ATF6: variants seen among roughly 807,000 people sequenced by gnomAD.
The protein encoded by ATF6 is cyclic AMP-dependent transcription factor ATF-6 alpha.
A neutral mutation model predicts 83.6 loss-of-function variants in ATF6; 53 were observed. The observed-to-expected ratio is 0.63, with a 90% CI of 0.51 to 0.80. ATF6 has a LOEUF of 0.80. Among genes scored for constraint, ATF6 ranks in the 30% least tolerant of loss-of-function variants. The pLI is 0.00. For missense variants in ATF6, 744 were observed against 797.9 expected (o/e 0.93, Z 0.81); for synonymous variants, 288 against 285.8 (o/e 1.01, Z -0.08).
Position 161,839,500 on chromosome 1 carries a change from C to T in ATF6, c.1188-6949C>T, listed in dbSNP as rs1686303906. On this transcript the variant is annotated intron_variant, in intron 9 of 15. Coordinates refer to ENST00000367942, the MANE Select transcript of ATF6 (RefSeq NM_007348.4). ...CCTCAGCCTCCTGAGGAGCTGGGAC[C>T]ACAGGCACACTCCACCACACCCAGC... 2.0e-5 allele frequency among the ~76,000 whole-genome samples: 3 copies of T among 151,978 alleles called. No homozygotes were observed. The South Asian group carries it at 6.2e-4, about 32-fold the overall frequency.
intron 3 of ATF6, among the ~76,000 whole-genome samples, chr1:161,783,684 T>A (rs1456296588): frequency 1.3e-5 from 2 of 152,040 alleles, no homozygotes; most frequent in Non-Finnish European, 2.9e-5. Flanking sequence ...AGACAACCAC[T>A]GTTACCAGTT....
rs538888580 is a variant in ATF6, at chr1:161,780,435, G to A, written c.160-1477G>A. 3.3e-5 allele frequency among the ~76,000 whole-genome samples: 5 copies of A among 149,514 alleles called. No homozygotes were observed. In the South Asian group the frequency reaches 8.5e-4, roughly 25 times the overall value. On this transcript the variant is annotated intron_variant, in intron 2 of 15. Coordinates refer to ENST00000367942, the MANE Select transcript of ATF6 (RefSeq NM_007348.4). ...GTCGCCCAGGCTGGAGTGCAGTGGC[G>A]CAATCTCGGCTCACTGTAAGCTCCA...
At chr1:161,857,938 A>G (rs1686799442) in intron 12 of ATF6, among the ~76,000 whole-genome samples, 1 of 152,132 alleles carries the variant, frequency 6.6e-6, no homozygotes, top group Non-Finnish European at 1.5e-5. Flanking sequence ...CTAAAAGCTA[A>G]CATAAAGAAG....
chr1:161,923,861 A>C (rs1246054428), intron 15 of ATF6, among the ~76,000 whole-genome samples: 1 of 152,040 alleles, frequency 6.6e-6, no homozygotes, highest in African/African-American at 2.4e-5. Flanking sequence ...GATCACATTC[A>C]CTCTTTCTGC....
chr1:161,854,733 G>A (rs956037619), intron 12 of ATF6, among the ~76,000 whole-genome samples: 1 of 152,102 alleles, frequency 6.6e-6, no homozygotes, highest in Admixed American at 6.5e-5. Context: ...TTAGCCAGGC[G>A]TGGTGGCGGG....
intron 14 of ATF6, among the ~76,000 whole-genome samples, chr1:161,874,661 A>C (rs950989003): frequency 2.0e-5 from 3 of 151,616 alleles, no homozygotes; most frequent in Admixed American, 6.6e-5. Flanking sequence ...ATTTACTTTG[A>C]AGTTCCTTAA....
intron 14 of ATF6, among the ~76,000 whole-genome samples, chr1:161,897,325 T>A (rs1363812969): frequency 1.3e-5 from 2 of 151,884 alleles, no homozygotes; most frequent in Non-Finnish European, 2.9e-5. Context: ...TCCCAGCTAC[T>A]CACAGGCTGA....
intron 9 of ATF6, among the ~76,000 whole-genome samples, chr1:161,837,299 T>C (rs1266245972): frequency 6.6e-6 from 1 of 152,230 alleles, no homozygotes; most frequent in African/African-American, 2.4e-5. Flanking sequence ...TGAGCTGTTT[T>C]GTCACATTAG....
chr1:161,911,781 C>A (rs1687996545), intron 14 of ATF6, among the ~76,000 whole-genome samples: 1 of 152,028 alleles, frequency 6.6e-6, no homozygotes, highest in African/African-American at 2.4e-5. Context: ...ATAGAAAATT[C>A]CTGGGATAAG....
chr1:161,901,494 CAAAA>C (rs771638813), intron 14 of ATF6, among the ~76,000 whole-genome samples: 1 of 109,298 alleles, frequency 9.1e-6, no homozygotes. Flanking sequence ...TCTCCCAAAG[CAAAA>C]AAAAAAAAAA....
At chr1:161,929,508 G>A (rs1041726664) in intron 15 of ATF6, among the ~76,000 whole-genome samples, 1 of 152,162 alleles carries the variant, frequency 6.6e-6, no homozygotes, top group Non-Finnish European at 1.5e-5. Flanking sequence ...CTGTACCCTA[G>A]TTACAAGGAA....
chr1:161,939,958 T>A (rs956374780), intron 15 of ATF6, among the ~76,000 whole-genome samples: 1 of 152,214 alleles, frequency 6.6e-6, no homozygotes, highest in Non-Finnish European at 1.5e-5. Flanking sequence ...CACATGGCTT[T>A]AAATACTATC....
intron 10 of ATF6, among the ~76,000 whole-genome samples, chr1:161,850,394 T>C (rs148916433): frequency 1.7e-3 from 261 of 152,198 alleles, no homozygotes; most frequent in African/African-American, 6.0e-3. Flanking sequence ...CTTACCCCAG[T>C]TTCTATAGAG....
chr1:161,805,132 A>G (rs1047411993), intron 7 of ATF6, among the ~76,000 whole-genome samples: 2 of 152,136 alleles, frequency 1.3e-5, no homozygotes, highest in African/African-American at 4.8e-5. Context: ...GAATGTCTAC[A>G]TTTATTGTAT....
chr1:161,811,630 T>C (rs1041067070), intron 7 of ATF6, among the ~76,000 whole-genome samples: 1 of 152,118 alleles, frequency 6.6e-6, no homozygotes, highest in Non-Finnish European at 1.5e-5. Flanking sequence ...TGTTAACATT[T>C]TACCCAATTT....
At chr1:161,842,412 A>G (rs939070591) in intron 9 of ATF6, among the ~76,000 whole-genome samples, 3 of 152,252 alleles carry the variant, frequency 2.0e-5, no homozygotes, top group African/African-American at 7.2e-5. Context: ...ATATTTGCTC[A>G]TGCATATTTA....
At chr1:161,773,210 T>G (rs1325260248) in intron 1 of ATF6, among the ~76,000 whole-genome samples, 1 of 151,212 alleles carries the variant, frequency 6.6e-6, no homozygotes, top group African/African-American at 2.4e-5. Context: ...CTCGGCTCAC[T>G]GCAAGCTCCA....
intron 9 of ATF6, among the ~76,000 whole-genome samples, chr1:161,832,059 G>A (rs1686077793): frequency 6.6e-6 from 1 of 151,504 alleles, no homozygotes; most frequent in Admixed American, 6.6e-5. Context: ...ATACCACCAT[G>A]AATAAGAGTT....
rs1269813600 is a variant in ATF6 at position 161,961,872 on chromosome 1, A to G, written c.*3218A>G. The G allele has an allele frequency of 6.6e-6, 1 of 152,170 alleles. No homozygotes were observed. The highest frequency in any genetic ancestry group is 1.5e-5 in the Non-Finnish European group (1 of 68,036). 9.4% of individuals were successfully genotyped at this position (152,170 alleles called of 1,614,324 possible). ...AGTAAGTGGATGTTTCCTCATGTTAACTACTGAATCAGATGTTAGGAGCTT... is the reference window on the plus strand; with the variant it reads ...AGTAAGTGGATGTTTCCTCATGTTAGCTACTGAATCAGATGTTAGGAGCTT... On this transcript the variant is annotated 3_prime_UTR_variant, in exon 16 of 16. Transcript: ENST00000367942.
Sources: allele counts gnomAD v4.1 joint callset (sites outside exome capture counted in the v4.1 genomes callset), GRCh38; gene constraint gnomAD v4.1.1; transcripts MANE v1.5; gene names NCBI Gene and HGNC (gene_info 2026-07-23, HGNC 2026-07-21).